RNF216: variants seen among roughly 807,000 people sequenced by gnomAD.
The protein encoded by RNF216 is ring finger protein 216, also known as E3 ubiquitin-protein ligase RNF216.
A neutral mutation model predicts 110.8 loss-of-function variants in RNF216; 72 were observed. The ratio of observed to expected loss-of-function variants is 0.65; its 90% confidence interval spans 0.54 to 0.79. RNF216 has a LOEUF of 0.79. Among genes scored for constraint, RNF216 ranks in the 30% least tolerant of loss-of-function variants. RNF216 has a pLI of 0.00. For synonymous variants in RNF216, 495 were observed against 407.5 expected, an observed-to-expected ratio of 1.21 and a Z score of -2.59; for missense variants, 1,342 against 1,141.2, an observed-to-expected ratio of 1.18 and a Z score of -2.54.
intron 13 of RNF216, among the ~76,000 whole-genome samples, chr7:5,687,264 C>T (rs1157450023): frequency 6.6e-6 from 1 of 151,574 alleles, no homozygotes; most frequent in African/African-American, 2.4e-5. Context: ...GGCATGGTGG[C>T]GGGCGCCTGT....
chr7:5,625,700 C>A (rs1187714867), intron 15 of RNF216, among the ~76,000 whole-genome samples: 1 of 152,224 alleles, frequency 6.6e-6, no homozygotes, highest in Non-Finnish European at 1.5e-5. Flanking sequence ...AGACACTGTT[C>A]TAAGTTTGCT....
At chr7:5,725,530 T>G in intron 7 of RNF216, 92 bp from the exon 8 acceptor site, 1 of 765,626 alleles carries the variant, frequency 1.3e-6, no homozygotes, top group Middle Eastern at 2.4e-4. Context: ...TAACACAGTT[T>G]CAGCTGTCTA....
At chr7:5,724,249 T>C (rs979028495) in intron 8 of RNF216, among the ~76,000 whole-genome samples, 2 of 152,146 alleles carry the variant, frequency 1.3e-5, no homozygotes, top group African/African-American at 4.8e-5. Context: ...GTCAGGCTGA[T>C]GAAGGGACAA....
intron 1 of RNF216, among the ~76,000 whole-genome samples, chr7:5,770,531 G>C (rs529606205): frequency 6.6e-6 from 1 of 152,024 alleles, no homozygotes; most frequent in South Asian, 2.1e-4. Context: ...ATATTCACGG[G>C]TGGGAAAGTT....
intron 2 of RNF216, chr7:5,760,496 A>G (rs1795875349): frequency 2.9e-6 from 1 of 350,532 alleles, no homozygotes; most frequent in South Asian, 2.2e-5. Context: ...GGCCTGGGCA[A>G]TGAGTAAAAT....
chr7:5,622,998 G>C lies in RNF216; in HGVS notation c.2634C>G (p.Leu878=). The C allele has an allele frequency of 6.2e-7, 1 of 1,614,108 alleles. No individual in the cohort carries two copies. The highest frequency in any genetic ancestry group is 8.5e-7 in the Non-Finnish European group (1 of 1,180,010). Reference sequence around the variant, plus strand: ...ACGGGGCTGGGATAGGCCCCATGTTGAGTGGGAAGTTGTTGAACACAGGCC... The same window carrying C: ...ACGGGGCTGGGATAGGCCCCATGTTCAGTGGGAAGTTGTTGAACACAGGCC... ...PVRPVFNNFP[L]NMGPIPAPYV... The change falls in exon 17 of 17, where the codon CTC becomes CTG. Residue 878 remains leucine, a synonymous_variant. Transcript: ENST00000389902.
chr7:5,756,639 G>A (rs950844264), intron 2 of RNF216, among the ~76,000 whole-genome samples: 5 of 151,918 alleles, frequency 3.3e-5, no homozygotes, highest in Admixed American at 6.6e-5. Context: ...TTTTGTTTTT[G>A]CGACAGGGTC....
At chr7:5,719,175 G>T (rs2128634587) in intron 9 of RNF216, among the ~76,000 whole-genome samples, 1 of 152,300 alleles carries the variant, frequency 6.6e-6, no homozygotes, top group African/African-American at 2.4e-5. Context: ...GAGGCCAGAA[G>T]TTCGAGACCA....
intron 13 of RNF216, among the ~76,000 whole-genome samples, chr7:5,665,999 A>C (rs852416): frequency 0.015 from 2,287 of 152,118 alleles, 33 homozygotes; most frequent in South Asian, 0.035. Flanking sequence ...CCCCGTTTCT[A>C]CTAAAAATAC....
rs186063677 is a variant in RNF216 at position 5,768,889 on chromosome 7, C to T, written c.-69-7751G>A. On this transcript the variant is annotated intron_variant, in intron 1 of 16. Transcript: ENST00000389902. ...TGTTAGCCAGGATGGTCTTGATCTC[C>T]TGACCTCGTGATCCACCCGCCTCGA... 7.5e-3 allele frequency among the ~76,000 whole-genome samples: 1,139 copies of T among 151,248 alleles called. 14 individuals are homozygous for T. The highest frequency in any genetic ancestry group is 0.026 in the African/African-American group (1,094 of 41,288).
At chr7:5,729,869 C>T (rs879744422) in intron 6 of RNF216, among the ~76,000 whole-genome samples, 3 of 152,064 alleles carry the variant, frequency 2.0e-5, no homozygotes, top group South Asian at 4.2e-4. Flanking sequence ...ACCATATTTA[C>T]GAACAACTAT....
At chr7:5,761,283 A>C (rs539384860) in intron 1 of RNF216, 145 bp from the exon 2 acceptor site, 51 of 464,988 alleles carry the variant, frequency 1.1e-4, no homozygotes, top group African/African-American at 8.8e-4. Context: ...AAAAAAAAAA[A>C]CCACACAAAC....
At chr7:5,663,014 A>G (rs183182086) in intron 13 of RNF216, among the ~76,000 whole-genome samples, 1 of 152,130 alleles carries the variant, frequency 6.6e-6, no homozygotes, top group African/African-American at 2.4e-5. Flanking sequence ...GCCTAAGAAT[A>G]TCTCTTCTCC....
chr7:5,751,552 A>G (rs1402316678), intron 3 of RNF216, among the ~76,000 whole-genome samples: 8 of 152,050 alleles, frequency 5.3e-5, no homozygotes. Flanking sequence ...ATTGGGAATC[A>G]TAATGAATTT....
intron 13 of RNF216, among the ~76,000 whole-genome samples, chr7:5,678,583 T>A (rs940153183): frequency 6.6e-6 from 1 of 152,222 alleles, no homozygotes; most frequent in African/African-American, 2.4e-5. Flanking sequence ...CTCTCCCAGC[T>A]TCAGCTTCCC....
At position 5,655,860 on chromosome 7, in the gene RNF216, G is replaced by A. The variant is rs534007639; in HGVS notation, c.2062-3350C>T. On this transcript the variant is annotated intron_variant, in intron 13 of 16. Coordinates refer to ENST00000389902, the MANE Select transcript of RNF216 (RefSeq NM_207111.4). ...ACGCATATTACGAAGAAACGCTCTT[G>A]AATGGTTTTTTTTTGAGCCAGGGTC... 2.5e-4 allele frequency among the ~76,000 whole-genome samples: 38 copies of A among 152,142 alleles called. 1 individual carries two copies. In the South Asian group the frequency reaches 7.7e-3, roughly 31 times the overall value.
chr7:5,780,727 A>T (rs1246375682), intron 1 of RNF216, among the ~76,000 whole-genome samples: 2 of 152,098 alleles, frequency 1.3e-5, no homozygotes, highest in African/African-American at 4.8e-5. Context: ...AAAAAAAAAA[A>T]AGTAAAAGAA....
intron 2 of RNF216, among the ~76,000 whole-genome samples, chr7:5,760,698 A>G (rs1459915064): frequency 6.6e-6 from 1 of 152,216 alleles, no homozygotes; most frequent in African/African-American, 2.4e-5. Context: ...GCACTCCTTT[A>G]TAATCACCAC....
chr7:5,677,255 T>C (rs1584433029), intron 13 of RNF216, among the ~76,000 whole-genome samples: 1 of 152,248 alleles, frequency 6.6e-6, no homozygotes, highest in East Asian at 1.9e-4. Context: ...AAGGAGTCGC[T>C]ATCTGCTGTT....
Sources: gnomAD v4.1 joint callset for allele counts (sites outside exome capture counted in the v4.1 genomes callset) on GRCh38, gnomAD v4.1.1 for gene constraint, MANE v1.5 for transcripts, NCBI Gene and HGNC (gene_info 2026-07-23, HGNC 2026-07-21) for gene names.